Variants in ARHGAP22 observed in about 807,000 individuals in gnomAD.
ARHGAP22 encodes Rho GTPase activating protein 22.
In ARHGAP22, 48 loss-of-function variants were observed where a neutral mutation model predicts 59.1. That is an observed-to-expected ratio of 0.81 (90% CI 0.64 to 1.03). The LOEUF (loss-of-function observed/expected upper bound fraction) is 1.03. ARHGAP22 is among the 50% of genes least tolerant of loss of function. The pLI, the probability that ARHGAP22 is intolerant of heterozygous loss-of-function variation, is 0.00. For synonymous variants in ARHGAP22, 445 were observed against 416.4 expected (o/e 1.07, Z -0.84); for missense variants, 1,015 against 958.7 (o/e 1.06, Z -0.78).
At chr10:48,558,444 C>G (rs1206128176) in intron 2 of ARHGAP22, among the ~76,000 whole-genome samples, 2 of 151,964 alleles carry the variant, frequency 1.3e-5, no homozygotes, top group Admixed American at 1.3e-4. Flanking sequence ...CTTACTGCAG[C>G]CTCTACCTAC....
At chr10:48,505,395 G>A (rs1165386047) in intron 3 of ARHGAP22, among the ~76,000 whole-genome samples, 1 of 151,994 alleles carries the variant, frequency 6.6e-6, no homozygotes, top group Non-Finnish European at 1.5e-5. Flanking sequence ...TGGTGGCATC[G>A]CCCCACTCCC....
intron 4 of ARHGAP22, among the ~76,000 whole-genome samples, chr10:48,466,354 T>G (rs938788599): frequency 6.6e-6 from 1 of 151,922 alleles, no homozygotes; most frequent in Non-Finnish European, 1.5e-5. Context: ...CGGTCCCTGT[T>G]TCTTCCCTCG....
chr10:48,516,419 T>C (rs1192592306), intron 3 of ARHGAP22, among the ~76,000 whole-genome samples: 1 of 152,030 alleles, frequency 6.6e-6, no homozygotes, highest in Non-Finnish European at 1.5e-5. Flanking sequence ...TCCCACCTAC[T>C]TGGGAGGCTG....
At chr10:48,540,792 T>G (rs570593623) in intron 3 of ARHGAP22, among the ~76,000 whole-genome samples, 20 of 152,134 alleles carry the variant, frequency 1.3e-4, no homozygotes, top group African/African-American at 4.8e-4. Flanking sequence ...GGATGATTGC[T>G]CCTTCATTGG....
chr10:48,542,332 C>A (rs572768449), intron 3 of ARHGAP22, among the ~76,000 whole-genome samples: 7 of 152,370 alleles, frequency 4.6e-5, no homozygotes, highest in South Asian at 2.1e-4. Context: ...CTCAGTGACA[C>A]CCTTGCCTCT....
At chr10:48,438,616 G>GT in the ARHGAP22 span, 2 of 152,300 alleles carry the variant, frequency 1.3e-5, no homozygotes, top group African/African-American at 4.8e-5. Flanking sequence ...ATTAAACTAG[G>GT]TTTTTATTGA....
chr10:48,612,484 C>T (rs1456026871), intron 1 of ARHGAP22, among the ~76,000 whole-genome samples: 2 of 152,170 alleles, frequency 1.3e-5, no homozygotes, highest in African/African-American at 4.8e-5. Flanking sequence ...GTCGACTTCT[C>T]AGCACTGGTG....
chr10:48,580,934 A>T (rs1288269815), intron 2 of ARHGAP22, among the ~76,000 whole-genome samples: 1 of 1,304 alleles, frequency 7.7e-4, no homozygotes, highest in African/African-American at 2.2e-3. Flanking sequence ...AATCTAAAGT[A>T]AAAAAAAAAA....
At chr10:48,548,311 C>A (rs1361718829) in intron 3 of ARHGAP22, among the ~76,000 whole-genome samples, 1 of 152,130 alleles carries the variant, frequency 6.6e-6, no homozygotes, top group East Asian at 1.9e-4. Flanking sequence ...GCTTCTGCAA[C>A]CTGCTCCAAC....
At chr10:48,602,867 A>G (rs2060466247) in intron 1 of ARHGAP22, among the ~76,000 whole-genome samples, 1 of 152,212 alleles carries the variant, frequency 6.6e-6, no homozygotes, top group Non-Finnish European at 1.5e-5. Flanking sequence ...GTGTGGGAAG[A>G]CTTCCCTGGC....
intron 3 of ARHGAP22, among the ~76,000 whole-genome samples, chr10:48,539,641 C>G (rs1048317745): frequency 6.6e-6 from 1 of 152,164 alleles, no homozygotes; most frequent in Non-Finnish European, 1.5e-5. Context: ...CTTAATGCTT[C>G]TAATATTTAC....
chr10:48,551,574 C>A (rs1022961311), intron 3 of ARHGAP22, among the ~76,000 whole-genome samples: 1 of 152,246 alleles, frequency 6.6e-6, no homozygotes, highest in Non-Finnish European at 1.5e-5. Flanking sequence ...GGTTTTCCTG[C>A]GTGTCCCCGC....
intron 1 of ARHGAP22, among the ~76,000 whole-genome samples, chr10:48,592,818 C>T (rs2059843849): frequency 6.6e-6 from 1 of 152,238 alleles, no homozygotes; most frequent in Non-Finnish European, 1.5e-5. Flanking sequence ...TCCCTGCTCC[C>T]AGCTGCTTTG....
At chr10:48,612,784 T>C (rs2060943883) in intron 1 of ARHGAP22, among the ~76,000 whole-genome samples, 1 of 152,164 alleles carries the variant, frequency 6.6e-6, no homozygotes, top group Non-Finnish European at 1.5e-5. Context: ...ATGTTCCCCA[T>C]TCCTGTTCTC....
chr10:48,482,131 T>G (rs1232939177), intron 3 of ARHGAP22, among the ~76,000 whole-genome samples: 2 of 152,228 alleles, frequency 1.3e-5, no homozygotes. Context: ...AATTAATCAT[T>G]TTTTTCGTTT....
chr10:48,443,091 G>A (rs1032824634), downstream of ARHGAP22, among the ~76,000 whole-genome samples: 1 of 152,250 alleles, frequency 6.6e-6, no homozygotes, highest in African/African-American at 2.4e-5. Context: ...GCTGGGGGAT[G>A]CTATGTAAGG....
Position 48,459,724 on chromosome 10 carries a change from G to T in ARHGAP22, c.619C>A (p.Gln207Lys). 1 of 1,614,150 alleles carries T rather than the reference G, an allele frequency of 6.2e-7. No homozygotes were observed. The highest frequency in any genetic ancestry group is 8.5e-7 in the Non-Finnish European group (1 of 1,180,034). Residue 207 changes from glutamine to lysine, a missense_variant, in exon 5 of 10, where the codon CAG becomes AAG. Gln to Lys is a moderately conservative substitution (Grantham distance 53). Transcript: ENST00000249601. ...TTCTCCCCACAGTCGAAGGAATCCT[G>T]CAGGTCCCTCACCAGGTTGGCCTGG... ...PGQANLVRDL[Q>K]DSFDCGEKPL... is the part of the protein sequence containing the mutation.
chr10:48,496,331 A>G (rs1015614909), intron 3 of ARHGAP22, among the ~76,000 whole-genome samples: 10 of 152,232 alleles, frequency 6.6e-5, no homozygotes, highest in Admixed American at 6.5e-4. Flanking sequence ...TGGGGACGGT[A>G]ATAACATTAA....
chr10:48,622,647 T>C (rs1397325881), intron 1 of ARHGAP22, among the ~76,000 whole-genome samples: 2 of 152,234 alleles, frequency 1.3e-5, no homozygotes, highest in African/African-American at 4.8e-5. Flanking sequence ...CATCATATAC[T>C]GGCTGAGTGG....
Sources: gnomAD v4.1 joint callset for allele counts (sites outside exome capture counted in the v4.1 genomes callset) on GRCh38, gnomAD v4.1.1 for gene constraint, MANE v1.5 for transcripts, NCBI Gene and HGNC (gene_info 2026-07-23, HGNC 2026-07-21) for gene names.